NCAM2: variants seen among roughly 807,000 people sequenced by gnomAD.
The protein encoded by NCAM2 is N-CAM-2.
In NCAM2, 30 loss-of-function variants were observed where a neutral mutation model predicts 98.1. The ratio of observed to expected loss-of-function variants is 0.31; its 90% CI spans 0.23 to 0.41. The LOEUF (loss-of-function observed/expected upper bound fraction) is 0.41. NCAM2 is among the 10% of genes least tolerant of loss of function. The pLI is 1.00. For missense variants in NCAM2, 867 were observed against 1,005.8 expected, an observed-to-expected ratio of 0.86 and a Z score of 1.87; for synonymous variants, 368 against 342.4, an observed-to-expected ratio of 1.07 and a Z score of -0.83.
intron 1 of NCAM2, among the ~76,000 whole-genome samples, chr21:21,062,898 C>T (rs1466330215): frequency 6.6e-6 from 1 of 152,054 alleles, no homozygotes; most frequent in Non-Finnish European, 1.5e-5. Flanking sequence ...AATTGAAATA[C>T]TTGATTTTGG....
intron 15 of NCAM2, among the ~76,000 whole-genome samples, chr21:21,504,283 T>C (rs561984467): frequency 2.6e-4 from 40 of 152,080 alleles, no homozygotes; most frequent in African/African-American, 9.4e-4. Flanking sequence ...AGTTTTCTTT[T>C]ATGTAAATTA....
intron 16 of NCAM2, among the ~76,000 whole-genome samples, chr21:21,534,234 T>C (rs889355714): frequency 1.3e-5 from 2 of 152,038 alleles, no homozygotes; most frequent in Non-Finnish European, 2.9e-5. Flanking sequence ...AATATTTTCA[T>C]TTTTTTCAAA....
At chr21:21,111,223 G>A (rs2066448083) in intron 1 of NCAM2, among the ~76,000 whole-genome samples, 1 of 152,098 alleles carries the variant, frequency 6.6e-6, no homozygotes, top group African/African-American at 2.4e-5. Flanking sequence ...TAGCCATATT[G>A]TAACAAGTTT....
At chr21:21,017,843 T>C (rs1030979285) in intron 1 of NCAM2, among the ~76,000 whole-genome samples, 2 of 152,158 alleles carry the variant, frequency 1.3e-5, no homozygotes, top group Admixed American at 6.5e-5. Context: ...ATATATTTGT[T>C]TGTATAGGTC....
At position 21,078,955 on chromosome 21, in the gene NCAM2, T is replaced by C. The variant is rs370081398; in HGVS notation, c.55+80337T>C. ...CAGAAACAGAAAACCAAACACTGCA[T>C]GTTCTCACTCATAAGTGGGAGTTGA... On this transcript the variant is annotated intron_variant, in intron 1 of 17. Transcript: ENST00000400546. Among the ~76,000 whole-genome samples, 11 of 152,294 alleles carry C rather than the reference T, an allele frequency of 7.2e-5. No individual in the cohort carries two copies. The South Asian group carries it at 1.9e-3, about 26-fold the overall frequency.
chr21:21,437,897 T>C (rs998662304), intron 12 of NCAM2, among the ~76,000 whole-genome samples: 29 of 143,618 alleles, frequency 2.0e-4, no homozygotes, highest in Non-Finnish European at 3.6e-4. Flanking sequence ...TTAGAATACA[T>C]ATTTAAAGCA....
chr21:21,179,383 C>T (rs934509099), intron 1 of NCAM2, among the ~76,000 whole-genome samples: 7 of 151,892 alleles, frequency 4.6e-5, no homozygotes, highest in Non-Finnish European at 7.4e-5. Flanking sequence ...CGAGTATACC[C>T]GAAACAAATT....
At chr21:21,441,580 C>T (rs949342223) in intron 12 of NCAM2, among the ~76,000 whole-genome samples, 1 of 151,904 alleles carries the variant, frequency 6.6e-6, no homozygotes, top group East Asian at 1.9e-4. Flanking sequence ...TGCCTTATTT[C>T]GTAGGTTTAA....
intron 14 of NCAM2, among the ~76,000 whole-genome samples, chr21:21,474,724 TG>T (rs1555903914): frequency 6.6e-6 from 1 of 152,064 alleles, no homozygotes; most frequent in Non-Finnish European, 1.5e-5. Context: ...ATGGATCCCT[TG>T]TCTTCATACC....
At chr21:21,497,182 G>A (rs943860701) in intron 15 of NCAM2, among the ~76,000 whole-genome samples, 2 of 152,080 alleles carry the variant, frequency 1.3e-5, no homozygotes, top group African/African-American at 4.8e-5. Flanking sequence ...ACATAAATAT[G>A]GGGACAACAG....
chr21:21,194,408 A>G (rs2068933823), intron 1 of NCAM2, among the ~76,000 whole-genome samples: 1 of 152,162 alleles, frequency 6.6e-6, no homozygotes, highest in Non-Finnish European at 1.5e-5. Context: ...TAAACTTTTT[A>G]CATCTATTAA....
At chr21:21,054,240 C>G (rs550831377) in intron 1 of NCAM2, among the ~76,000 whole-genome samples, 23 of 152,024 alleles carry the variant, frequency 1.5e-4, no homozygotes, top group Non-Finnish European at 2.7e-4. Context: ...ATATTAGGAA[C>G]CTAGGCGTAA....
Position 21,347,245 on chromosome 21 carries a change from G to A in NCAM2, c.1044+8711G>A, listed in dbSNP as rs552774691. Among the ~76,000 whole-genome samples, 98 of 151,702 alleles carry A rather than the reference G, an allele frequency of 6.5e-4. 2 individuals are homozygous for A. Among genetic ancestry groups the A allele is most frequent in the African/African-American group, 2.2e-3 (91 of 41,498 alleles). On this transcript the variant is annotated intron_variant, in intron 8 of 17. Transcript: ENST00000400546. ...ATTGGAAAATCTAGAAGAAATAGAC[G>A]AATTCCTATATACATACAACCTACA...
At chr21:21,024,045 A>G (rs1421003631) in intron 1 of NCAM2, among the ~76,000 whole-genome samples, 1 of 152,218 alleles carries the variant, frequency 6.6e-6, no homozygotes, top group Non-Finnish European at 1.5e-5. Context: ...GGGATTTACC[A>G]TCCAAGCATC....
At chr21:21,412,102 A>T (rs1366672892) in intron 10 of NCAM2, among the ~76,000 whole-genome samples, 1 of 152,210 alleles carries the variant, frequency 6.6e-6, no homozygotes, top group Non-Finnish European at 1.5e-5. Flanking sequence ...GGTTGAAATC[A>T]CAGAAATTTG....
At chr21:21,397,949 T>C (rs1274056850) in intron 9 of NCAM2, among the ~76,000 whole-genome samples, 4 of 152,270 alleles carry the variant, frequency 2.6e-5, no homozygotes, top group African/African-American at 9.6e-5. Flanking sequence ...GGTCATTATA[T>C]GAAATAAACA....
At chr21:21,020,446 G>A (rs1023409006) in intron 1 of NCAM2, among the ~76,000 whole-genome samples, 2 of 152,174 alleles carry the variant, frequency 1.3e-5, no homozygotes, top group Non-Finnish European at 2.9e-5. Flanking sequence ...GCTTATTGTT[G>A]TTATTTTTCT....
intron 1 of NCAM2, among the ~76,000 whole-genome samples, chr21:21,160,798 A>G (rs1456525434): frequency 1.3e-5 from 2 of 152,046 alleles, no homozygotes; most frequent in Non-Finnish European, 2.9e-5. Context: ...CATATACACC[A>G]TGAAATGTGA....
intron 10 of NCAM2, 67 bp from the exon 11 acceptor site, chr21:21,418,406 C>A: frequency 8.8e-7 from 1 of 1,137,502 alleles, no homozygotes; most frequent in Non-Finnish European, 1.3e-6. Context: ...GGTAGTCATA[C>A]TGGGGTTTAT....
Sources: allele counts gnomAD v4.1 joint callset (sites outside exome capture counted in the v4.1 genomes callset), GRCh38; gene constraint gnomAD v4.1.1; transcripts MANE v1.5; gene names NCBI Gene and HGNC (gene_info 2026-07-23, HGNC 2026-07-21).